Variants in CLCA1 observed in about 807,000 individuals in gnomAD.
CLCA1 encodes the protein chloride channel accessory 1.
Under a neutral mutation model 85.6 loss-of-function variants are expected in CLCA1, and 59 were observed. The ratio of observed to expected loss-of-function variants is 0.69; its 90% confidence interval spans 0.56 to 0.86. The LOEUF (loss-of-function observed/expected upper bound fraction) is 0.86, where lower values mean the gene tolerates loss of function less well. CLCA1 is among the 40% of genes least tolerant of loss of function. The probability of loss-of-function intolerance (pLI) is 0.00; values close to 1 mark genes in which losing one functional copy is unlikely to be tolerated. For synonymous variants in CLCA1, 396 were observed against 398.3 expected, an observed-to-expected ratio of 0.99 and a Z score of 0.07; for missense variants, 1,022 against 1,101.4, an observed-to-expected ratio of 0.93 and a Z score of 1.02.
rs1487793618 is a variant in CLCA1 at position 86,481,377 on chromosome 1, A to C, written c.558-828A>C. ...TGGTCTCAAATTTCTGGCCTCAAGC[A>C]ATCCACCCGCCTCAGCCTCCCAAAG... On this transcript the variant is annotated intron_variant, in intron 4 of 13. Coordinates refer to ENST00000394711, the MANE Select transcript of CLCA1 (RefSeq NM_001285.4). Among the ~76,000 whole-genome samples, 4 of 152,216 alleles carry C rather than the reference A, an allele frequency of 2.6e-5. No homozygotes were observed. The East Asian group carries it at 7.7e-4, about 29-fold the overall frequency.
chr1:86,498,438 A>G, intron 12 of CLCA1, 134 bp from the exon 13 acceptor site: 1 of 741,184 alleles, frequency 1.3e-6, no homozygotes, highest in East Asian at 2.8e-5. Flanking sequence ...CCAAATATTT[A>G]AAATTAATTC....
chr1:86,494,743 T>C (rs1376741944), intron 11 of CLCA1, among the ~76,000 whole-genome samples: 1 of 152,234 alleles, frequency 6.6e-6, no homozygotes, highest in Non-Finnish European at 1.5e-5. Context: ...GGAAAATTAA[T>C]AACCATATTG....
At chr1:86,494,618 T>G (rs543935347) in intron 11 of CLCA1, among the ~76,000 whole-genome samples, 170 bp downstream of exon 11, 1 of 152,184 alleles carries the variant, frequency 6.6e-6, no homozygotes, top group East Asian at 1.9e-4. Flanking sequence ...TTCAAAATGC[T>G]GGAAAACATG....
chr1:86,471,290 CA>C (rs5744309), intron 1 of CLCA1, among the ~76,000 whole-genome samples: 3,984 of 152,262 alleles, frequency 0.026, 160 homozygotes, highest in African/African-American at 0.085. Flanking sequence ...TTTATTCATT[CA>C]ACAAATATTT....
chr1:86,476,296 G>A (rs770385415), intron 3 of CLCA1, 152 bp from the exon 4 acceptor site: 22 of 532,684 alleles, frequency 4.1e-5, no homozygotes, highest in Middle Eastern at 4.1e-4. Flanking sequence ...TTAAGAAAAC[G>A]TACAGTTATA....
chr1:86,478,570 G>A (rs1404180602), intron 4 of CLCA1, among the ~76,000 whole-genome samples: 1 of 152,154 alleles, frequency 6.6e-6, no homozygotes, highest in Non-Finnish European at 1.5e-5. Flanking sequence ...GCAATCATAC[G>A]TTGCTTTGAC....
chr1:86,469,168 A>T (rs893280412), intron 1 of CLCA1, 35 bp downstream of exon 1: 6 of 1,497,570 alleles, frequency 4.0e-6, no homozygotes, highest in Middle Eastern at 3.5e-4. Flanking sequence ...CTTTTTTAAA[A>T]ATAGCATAAT....
At chr1:86,492,890 G>A (rs562258777) in intron 9 of CLCA1, among the ~76,000 whole-genome samples, 3 of 152,302 alleles carry the variant, frequency 2.0e-5, no homozygotes, top group Non-Finnish European at 2.9e-5. Flanking sequence ...AATATAGGGC[G>A]AAGCACAATA....
At chr1:86,496,459 A>G (rs879701410) in intron 12 of CLCA1, among the ~76,000 whole-genome samples, 17 of 152,210 alleles carry the variant, frequency 1.1e-4, no homozygotes, top group Non-Finnish European at 1.8e-4. Flanking sequence ...AGACAGTCCC[A>G]TACCACTTTT....
intron 9 of CLCA1, among the ~76,000 whole-genome samples, chr1:86,492,801 C>T (rs889510454): frequency 2.6e-5 from 4 of 152,138 alleles, no homozygotes; most frequent in African/African-American, 7.2e-5. Flanking sequence ...ACAATCCATG[C>T]GTGGGTAAAA....
chr1:86,493,335 G>A, intron 9 of CLCA1, 49 bp from the exon 10 acceptor site: 1 of 1,441,882 alleles, frequency 6.9e-7, no homozygotes. Flanking sequence ...AAAAGATCAT[G>A]TGATGGGAGC....
At chr1:86,499,340 AAAC>A (rs1420376984) in intron 13 of CLCA1, among the ~76,000 whole-genome samples, 7 of 152,256 alleles carry the variant, frequency 4.6e-5, no homozygotes, top group Admixed American at 3.9e-4. Context: ...ATAAATAATA[AAAC>A]AATAAACAGT....
At chr1:86,469,177 AT>A in intron 1 of CLCA1, 44 bp downstream of exon 1, 4 of 1,432,632 alleles carry the variant, frequency 2.8e-6, no homozygotes, top group Non-Finnish European at 3.8e-6. Context: ...AAATAGCATA[AT>A]GTTGTGATAG....
Position 86,482,264 on chromosome 1 carries a change from A to T in CLCA1, c.617A>T (p.Tyr206Phe), listed in dbSNP as rs767169600. 2 of 1,613,974 alleles carry T rather than the reference A, an allele frequency of 1.2e-6. No individual in the cohort carries two copies. Among genetic ancestry groups the T allele is most frequent in the East Asian group, 4.5e-5 (2 of 44,872 alleles). Residue 206 changes from tyrosine (Y) to phenylalanine (F), a missense_variant, in exon 5 of 14, where the codon TAC (tyrosine) becomes TTC (phenylalanine). Transcript: ENST00000394711. ...VVKKCQGGSCYTKRCTFNKVT... is the reference protein window; with the variant it reads ...VVKKCQGGSCFTKRCTFNKVT... Reference sequence around the variant, plus strand: ...AAGAAGTGTCAGGGAGGCAGCTGTTACACCAAAAGATGCACATTCAATAAA... The same window carrying T: ...AAGAAGTGTCAGGGAGGCAGCTGTTTCACCAAAAGATGCACATTCAATAAA...
At chr1:86,487,073 T>G (rs1367414366) in intron 7 of CLCA1, among the ~76,000 whole-genome samples, 1 of 152,246 alleles carries the variant, frequency 6.6e-6, no homozygotes, top group East Asian at 1.9e-4. Context: ...CCAGCTCACA[T>G]GGCCTGATGT....
intron 5 of CLCA1, among the ~76,000 whole-genome samples, chr1:86,484,026 A>T (rs979984431): frequency 2.0e-5 from 3 of 152,202 alleles, no homozygotes; most frequent in African/African-American, 7.2e-5. Context: ...TTACAAAATC[A>T]TCAGATTACG....
rs143683797 is a variant in CLCA1, at chr1:86,472,888, A to G, written c.163-529A>G. On this transcript the variant is annotated intron_variant, in intron 1 of 13. Coordinates refer to ENST00000394711, the MANE Select transcript of CLCA1 (RefSeq NM_001285.4). ...AGGAGTCAGCAGGTGTTAAAATCAC[A>G]TTCACTTTTTCTCTTCATTACTACT... Among the ~76,000 whole-genome samples the G allele has an allele frequency of 1.3e-4, 20 of 152,340 alleles. No homozygotes were observed. In the East Asian group the frequency reaches 3.7e-3, roughly 28 times the overall value.
At chr1:86,482,135 A>C (rs1317159748) in intron 4 of CLCA1, 70 bp from the exon 5 acceptor site, 1 of 1,176,832 alleles carries the variant, frequency 8.5e-7, no homozygotes, top group Non-Finnish European at 1.2e-6. Flanking sequence ...ATCTGTCAGA[A>C]ACTGAGCATA....
At chr1:86,476,580 C>T in intron 4 of CLCA1, 27 bp downstream of exon 4, 1 of 1,174,364 alleles carries the variant, frequency 8.5e-7, no homozygotes, top group East Asian at 2.4e-5. Context: ...TTAACTTGTT[C>T]CAAACTATTT....
Sources: gnomAD v4.1 joint callset for allele counts (sites outside exome capture counted in the v4.1 genomes callset) on GRCh38, gnomAD v4.1.1 for gene constraint, MANE v1.5 for transcripts, NCBI Gene and HGNC (gene_info 2026-07-23, HGNC 2026-07-21) for gene names.